Variants in ARHGAP29 observed in about 807,000 individuals in gnomAD.
The protein encoded by ARHGAP29 is rho GTPase-activating protein 29.
In ARHGAP29, 43 loss-of-function variants were observed where a neutral mutation model predicts 122.6. That is an observed-to-expected ratio of 0.35 (90% CI 0.27 to 0.45). The LOEUF is 0.45. Ranked by LOEUF, ARHGAP29 falls within the 20% of genes least tolerant of loss-of-function variation. The pLI, the probability that ARHGAP29 is intolerant of heterozygous loss-of-function variation, is 1.00. For synonymous variants in ARHGAP29, 506 were observed against 497.1 expected, an observed-to-expected ratio of 1.02 and a Z score of -0.24; for missense variants, 1,303 against 1,477.2, an observed-to-expected ratio of 0.88 and a Z score of 1.93.
At chr1:94,232,105 T>C (rs1239382124) in intron 1 of ARHGAP29, among the ~76,000 whole-genome samples, 1 of 152,096 alleles carries the variant, frequency 6.6e-6, no homozygotes, top group Non-Finnish European at 1.5e-5. Context: ...TTCCATGACA[T>C]CACCTTCAAA....
the ARHGAP29 span, among the ~76,000 whole-genome samples, chr1:94,303,859 A>T: frequency 6.6e-6 from 1 of 152,314 alleles, no homozygotes; most frequent in East Asian, 1.9e-4. Context: ...CTATTATGCC[A>T]TGTTACTTCC....
the ARHGAP29 span, among the ~76,000 whole-genome samples, chr1:94,294,906 T>A: frequency 7.9e-5 from 12 of 152,260 alleles, no homozygotes; most frequent in African/African-American, 2.9e-4. Context: ...TAAGGCAAAG[T>A]CTGAAAATTC....
chr1:94,249,896 T>G (rs1654016342), intron 1 of ARHGAP29, among the ~76,000 whole-genome samples: 1 of 152,148 alleles, frequency 6.6e-6, no homozygotes, highest in Admixed American at 6.5e-5. Flanking sequence ...CAGTACTACA[T>G]TAGTTAGGTC....
chr1:94,308,983 C>T, the ARHGAP29 span, among the ~76,000 whole-genome samples: 6 of 152,128 alleles, frequency 3.9e-5, no homozygotes, highest in East Asian at 1.9e-4. Flanking sequence ...CTTAGTGACC[C>T]GAATTTGCAC....
intron 1 of ARHGAP29, among the ~76,000 whole-genome samples, chr1:94,259,688 A>G (rs1240958092): frequency 1.3e-5 from 2 of 152,226 alleles, no homozygotes; most frequent in Non-Finnish European, 2.9e-5. Flanking sequence ...ATCTCTAGGG[A>G]CTACAGAGGC....
intron 19 of ARHGAP29, among the ~76,000 whole-genome samples, chr1:94,181,029 T>C (rs377433792): frequency 6.6e-6 from 1 of 152,202 alleles, no homozygotes. Context: ...CCAACAATTA[T>C]ACCCAATTTC....
chr1:94,201,586 T>C (rs1010043325), intron 12 of ARHGAP29, 134 bp downstream of exon 12: 95 of 937,070 alleles, frequency 1.0e-4, no homozygotes, highest in Non-Finnish European at 1.5e-4. Context: ...AAGCTCACTA[T>C]AACCTCAAAC....
intron 17 of ARHGAP29, 131 bp from the exon 18 acceptor site, chr1:94,185,191 C>T: frequency 8.3e-7 from 1 of 1,205,674 alleles, no homozygotes; most frequent in Non-Finnish European, 1.1e-6. Context: ...ACAGATTTAA[C>T]AACAAAATAA....
intron 19 of ARHGAP29, 102 bp downstream of exon 19, chr1:94,184,049 T>C (rs1649640917): frequency 2.3e-6 from 3 of 1,280,468 alleles, no homozygotes; most frequent in Admixed American, 2.0e-5. Flanking sequence ...ATACCGTCTA[T>C]GCCAATGAAA....
chr1:94,288,380 G>T, the ARHGAP29 span, among the ~76,000 whole-genome samples: 12 of 152,180 alleles, frequency 7.9e-5, no homozygotes, highest in Admixed American at 2.0e-4. Flanking sequence ...TAAGTTCTTT[G>T]TAGATTCTGG....
At position 94,173,873 on chromosome 1, in the gene ARHGAP29, AC is replaced by A; in HGVS notation, c.3781del (p.Val1261CysfsTer24). The A allele has an allele frequency of 6.3e-7, 1 of 1,597,676 alleles. No individual in the cohort carries two copies. The highest frequency in any genetic ancestry group is 1.1e-5 in the South Asian group (1 of 90,114). ...AAACCCTGAAATTTGACATCCCTAC[AC>A]AAATTGTGGAATTTCACCTTCGAGG... ...EDLEGEIPQF[V>X] On this transcript the variant is annotated frameshift_variant, in exon 23 of 23. Transcript: ENST00000260526. LOFTEE classifies it high-confidence loss of function.
intron 1 of ARHGAP29, among the ~76,000 whole-genome samples, chr1:94,234,337 C>T (rs1293462368): frequency 6.6e-6 from 1 of 151,964 alleles, no homozygotes; most frequent in East Asian, 2.0e-4. Context: ...ACAAAAATAA[C>T]TCTGGGTTGT....
rs955765828 is a variant in ARHGAP29, at chr1:94,170,927, G to C, written c.*2942C>G. On this transcript the variant is annotated 3_prime_UTR_variant, in exon 23 of 23. Transcript: ENST00000260526. ...CATTTCTGTTAGTTGCTGATATCTA[G>C]GAATACAACTGACTTACATACTGAT... Among the ~76,000 whole-genome samples, 2 of 152,030 alleles carry C rather than the reference G, an allele frequency of 1.3e-5. No homozygotes were observed. The highest frequency in any genetic ancestry group is 2.9e-5 in the Non-Finnish European group (2 of 68,000).
Position 94,189,222 on chromosome 1 carries a change from T to C in ARHGAP29, c.1570A>G (p.Ile524Val), listed in dbSNP as rs532953220. The change falls in exon 14 of 23, where the codon ATA becomes GTA. Residue 524 changes from isoleucine (I) to valine (V), a missense_variant. This residue lies in a region of ARHGAP29 where 592 missense variants were observed against 648.2 expected (regional missense o/e 0.91). Coordinates refer to ENST00000260526, the MANE Select transcript of ARHGAP29 (RefSeq NM_004815.4). ...CTTTAGGGTGGAAAACTACCTGTTA[T>C]ATCTGCACTGTTAGAGCATCTGTCC... ...EEDRCSNSAD[I>V]TGPSFIRSWT... 6.1e-5 allele frequency: 98 copies of C among 1,609,578 alleles called. No homozygotes were observed. The Middle Eastern group carries it at 1.3e-3, about 22-fold the overall frequency.
rs1648962937 is a variant in ARHGAP29, at chr1:94,174,497, A to G, written c.3158T>C (p.Phe1053Ser). The part of the protein sequence containing the change: ...NLDKFCKNPA[F>S]EGVNRKDAAT... Reference sequence around the variant, plus strand: ...AGCGTCTTTTCTATTAACTCCTTCAAAGGCAGGATTCTTGCAAAACTTGTC... The same window carrying G: ...AGCGTCTTTTCTATTAACTCCTTCAGAGGCAGGATTCTTGCAAAACTTGTC... The change falls in exon 23 of 23, where the codon TTT becomes TCT. Residue 1053 changes from phenylalanine (F) to serine (S), a missense_variant. By Grantham distance (155) the Phe-to-Ser change is radical. This residue lies in a region of ARHGAP29 where 620 missense variants were observed against 651.2 expected (regional missense o/e 0.95). Transcript: ENST00000260526. 1 of 1,614,034 alleles carries G rather than the reference A, an allele frequency of 6.2e-7. No individual in the cohort carries two copies. The highest frequency in any genetic ancestry group is 1.7e-5 in the Admixed American group (1 of 60,002).
At chr1:94,174,797 G>C in intron 22 of ARHGAP29, 48 bp from the exon 23 acceptor site, 2 of 1,572,584 alleles carry the variant, frequency 1.3e-6, no homozygotes, top group African/African-American at 1.4e-5. Flanking sequence ...TGGTTAATAA[G>C]AGAGTTTGAA....
intron 19 of ARHGAP29, among the ~76,000 whole-genome samples, chr1:94,181,178 A>G (rs1320761331): frequency 6.6e-6 from 1 of 152,198 alleles, no homozygotes; most frequent in Non-Finnish European, 1.5e-5. Context: ...ATAAAGCTGA[A>G]ATCTCAAACT....
Position 94,202,526 on chromosome 1 carries a change from A to G in ARHGAP29, c.1143+18T>C, listed in dbSNP as rs764822336. 17 of 1,611,668 alleles carry G rather than the reference A, an allele frequency of 1.1e-5. No individual in the cohort carries two copies. The Admixed American group carries it at 2.2e-4, about 21-fold the overall frequency. On this transcript the variant is annotated intron_variant, in intron 11 of 22. Coordinates refer to ENST00000260526, the MANE Select transcript of ARHGAP29 (RefSeq NM_004815.4). ...ACCGCTAATTCAACTTGCAAATAAA[A>G]AAGAAAAAGATCGTTACTTTTTGGA...
chr1:94,300,439 T>C, the ARHGAP29 span, among the ~76,000 whole-genome samples: 20 of 152,298 alleles, frequency 1.3e-4, no homozygotes, highest in African/African-American at 4.6e-4. Flanking sequence ...GAATAACACC[T>C]CTGGTTTCCA....
Sources: gnomAD v4.1 joint callset for allele counts (sites outside exome capture counted in the v4.1 genomes callset) on GRCh38, gnomAD v4.1.1 for gene constraint, gnomAD v4.1.1 regional missense constraint, MANE v1.5 for transcripts, NCBI Gene and HGNC (gene_info 2026-07-23, HGNC 2026-07-21) for gene names.